Variants in NPNT observed in about 807,000 individuals in gnomAD.
NPNT encodes nephronectin.
In NPNT, 45 loss-of-function variants were observed where a neutral mutation model predicts 68.6. That is an observed-to-expected ratio of 0.66 (90% CI 0.52 to 0.84). The LOEUF is 0.84. Ranked by LOEUF, NPNT falls within the 40% of genes least tolerant of loss-of-function variation. The pLI is 0.00. For synonymous variants in NPNT, 233 were observed against 253.3 expected (o/e 0.92, Z 0.76); for missense variants, 672 against 714.8 (o/e 0.94, Z 0.68).
intron 2 of NPNT, among the ~76,000 whole-genome samples, chr4:105,925,964 A>G (rs1227746066): frequency 6.6e-6 from 1 of 152,206 alleles, no homozygotes; most frequent in Non-Finnish European, 1.5e-5. Context: ...AATGTAGGGA[A>G]CATAATCATC....
intron 4 of NPNT, 114 bp downstream of exon 4, chr4:105,937,242 G>A (rs540965219): frequency 5.2e-5 from 52 of 1,003,838 alleles, no homozygotes; most frequent in African/African-American, 2.8e-4. Context: ...AGATGTGTGC[G>A]TGTGTTTATA....
intron 2 of NPNT, among the ~76,000 whole-genome samples, chr4:105,913,007 A>G (rs1727493486): frequency 6.6e-6 from 1 of 152,100 alleles, no homozygotes; most frequent in Non-Finnish European, 1.5e-5. Flanking sequence ...AGCTGGGATT[A>G]CAGGCGCCCA....
In NPNT at chr4:105,940,259, A is replaced by T. The variant is rs1211098011; in HGVS notation, c.640+50A>T. The T allele has an allele frequency of 2.5e-6, 4 of 1,575,702 alleles. No homozygotes were observed. The Admixed American group carries it at 6.7e-5, about 26-fold the overall frequency. On this transcript the variant is annotated intron_variant, in intron 6 of 11. Coordinates refer to ENST00000379987, the MANE Select transcript of NPNT (RefSeq NM_001033047.3). Reference sequence around the variant, plus strand: ...GTGTTGTTTCTTCCTAGAGCACTGAAAGGTCTCGTAATTGTGGTGATGGCT... The same window carrying T: ...GTGTTGTTTCTTCCTAGAGCACTGATAGGTCTCGTAATTGTGGTGATGGCT...
At chr4:105,944,325 T>A (rs915866691) in intron 8 of NPNT, among the ~76,000 whole-genome samples, 2 of 152,186 alleles carry the variant, frequency 1.3e-5, no homozygotes, top group Non-Finnish European at 2.9e-5. Context: ...GGATTTTTAA[T>A]TTATGAGTGC....
intron 10 of NPNT, among the ~76,000 whole-genome samples, chr4:105,963,519 G>A (rs1271086764): frequency 6.6e-6 from 1 of 152,092 alleles, no homozygotes; most frequent in Non-Finnish European, 1.5e-5. Context: ...CAGTCACAGT[G>A]AGATGTGAAA....
At chr4:105,898,331 T>TCTCTCTCC (rs1245085574) in intron 2 of NPNT, among the ~76,000 whole-genome samples, 1 of 61,380 alleles carries the variant, frequency 1.6e-5, no homozygotes, top group Non-Finnish European at 3.5e-5. Flanking sequence ...TCTCTCTGTC[T>TCTCTCTCC]CTCTCTCTCT....
intron 2 of NPNT, among the ~76,000 whole-genome samples, chr4:105,898,719 A>G (rs148118854): frequency 4.1e-4 from 62 of 152,300 alleles, no homozygotes; most frequent in Non-Finnish European, 8.1e-4. Context: ...GTGACCACAA[A>G]TGGATATTTT....
chr4:105,912,145 A>T, intron 2 of NPNT: 1 of 1,415,550 alleles, frequency 7.1e-7, no homozygotes, highest in Non-Finnish European at 9.6e-7. Context: ...CTCCTTACAG[A>T]GAAAAGATCT....
At chr4:105,955,454 A>G (rs1043349334) in intron 8 of NPNT, among the ~76,000 whole-genome samples, 8 of 152,222 alleles carry the variant, frequency 5.3e-5, no homozygotes, top group Non-Finnish European at 1.2e-4. Flanking sequence ...AGTAACCAAA[A>G]TACAAATAAC....
rs906263986 is a variant in NPNT at position 105,913,263 on chromosome 4, T to C, written c.173-14073T>C. ...ATAAAAAAAATATTTGGGAACAAAATTGATAGTACTAGAAATAGAAGTTCA... is the reference window on the plus strand; with the variant it reads ...ATAAAAAAAATATTTGGGAACAAAACTGATAGTACTAGAAATAGAAGTTCA... On this transcript the variant is annotated intron_variant, in intron 2 of 11. Coordinates refer to ENST00000379987, the MANE Select transcript of NPNT (RefSeq NM_001033047.3). Among the ~76,000 whole-genome samples the C allele has an allele frequency of 4.8e-4, 73 of 152,306 alleles. 1 individual carries two copies. Among genetic ancestry groups the C allele is most frequent in the African/African-American group, 1.7e-3 (71 of 41,572 alleles).
intron 3 of NPNT, among the ~76,000 whole-genome samples, chr4:105,932,027 G>T (rs1440870871): frequency 2.6e-5 from 4 of 151,922 alleles, no homozygotes; most frequent in Non-Finnish European, 5.9e-5. Context: ...ACATTTTTTT[G>T]CATAAAGCTT....
chr4:105,937,509 C>T (rs1258746170), intron 4 of NPNT, among the ~76,000 whole-genome samples: 1 of 149,092 alleles, frequency 6.7e-6, no homozygotes, highest in Non-Finnish European at 1.5e-5. Context: ...AGACAGAATC[C>T]ATCAGGTCTG....
At chr4:105,961,358 G>C (rs1242441813) in intron 10 of NPNT, among the ~76,000 whole-genome samples, 1 of 152,122 alleles carries the variant, frequency 6.6e-6, no homozygotes, top group Non-Finnish European at 1.5e-5. Flanking sequence ...ACAGAAGGAG[G>C]GATCTTTGGC....
At position 105,942,364 on chromosome 4, in the gene NPNT, G is replaced by A. The variant is rs752427442; in HGVS notation, c.821G>A (p.Gly274Asp). 1 of 1,613,326 alleles carries A rather than the reference G, an allele frequency of 6.2e-7. No individual in the cohort carries two copies. The change falls in exon 8 of 12, where the codon GGT becomes GAT. Residue 274 changes from glycine to aspartate, a missense_variant. By Grantham distance (94) the Gly-to-Asp change is moderately conservative (BLOSUM62 -1). Transcript: ENST00000379987. ...SGPIHVPKGN[G>D]TILKGDTGNN... ...CCAATTCATGTACCAAAGGGAAATG[G>A]TACCATTTTAAAGGGTGACACAGGA...
intron 3 of NPNT, among the ~76,000 whole-genome samples, chr4:105,933,577 T>C (rs947849149): frequency 2.6e-5 from 4 of 152,198 alleles, no homozygotes; most frequent in African/African-American, 9.7e-5. Flanking sequence ...CATATTGACA[T>C]CTGTTTGCCT....
rs1243636546 is a variant in NPNT, at chr4:105,898,004, G to T, written c.172+3G>T. 1 of 1,595,938 alleles carries T rather than the reference G, an allele frequency of 6.3e-7. No homozygotes were observed. Among genetic ancestry groups the T allele is most frequent in the East Asian group, 2.2e-5 (1 of 44,728 alleles). On this transcript the variant is annotated splice_donor_region_variant and intron_variant, in intron 2 of 11. Coordinates refer to ENST00000379987, the MANE Select transcript of NPNT (RefSeq NM_001033047.3). ...CCAGTCTTGGGGACAGTGTCAGCGT[G>T]AGTATCAAGCCTGGGGACTTCAGTT...
rs530117598 is a variant in NPNT at position 105,958,914 on chromosome 4, G to T, written c.1247-114G>T. On this transcript the variant is annotated intron_variant, in intron 9 of 11. Transcript: ENST00000379987. ...CTTTGGTCTTATGGAAAGAAGCTCTGGTTATATGGATAGGAGAGAACACTT... is the reference window on the plus strand; with the variant it reads ...CTTTGGTCTTATGGAAAGAAGCTCTTGTTATATGGATAGGAGAGAACACTT... 12 of 681,914 alleles carry T rather than the reference G, an allele frequency of 1.8e-5. No homozygotes were observed. The African/African-American group carries it at 2.1e-4, about 12-fold the overall frequency. 42.2% of individuals were successfully genotyped at this position (681,914 alleles called of 1,614,324 possible).
At chr4:105,928,307 A>C (rs1394563713) in intron 3 of NPNT, among the ~76,000 whole-genome samples, 1 of 152,180 alleles carries the variant, frequency 6.6e-6, no homozygotes, top group Non-Finnish European at 1.5e-5. Flanking sequence ...TTGTTAATTA[A>C]ATTCAGTTAA....
chr4:105,937,027 T>C lies in NPNT; in HGVS notation c.284T>C (p.Leu95Pro), dbSNP rs1343521730. ...TTTTCAGATCTAAATGAGTGTGGCC[T>C]GAAGCCCCGGCCCTGTAAGCACAGG... ...TCNQDLNECG[L>P]KPRPCKHRCM... The change falls in exon 4 of 12, where the codon CTG becomes CCG. Residue 95 changes from leucine (L) to proline (P), a missense_variant. By Grantham distance (98) the Leu-to-Pro change is moderately conservative (BLOSUM62 -3). Coordinates refer to ENST00000379987, the MANE Select transcript of NPNT (RefSeq NM_001033047.3). 2 of 1,613,224 alleles carry C rather than the reference T, an allele frequency of 1.2e-6. No homozygotes were observed. Among genetic ancestry groups the C allele is most frequent in the Non-Finnish European group, 8.5e-7 (1 of 1,179,562 alleles).
Sources: gnomAD v4.1 joint callset for allele counts (sites outside exome capture counted in the v4.1 genomes callset) on GRCh38, gnomAD v4.1.1 for gene constraint, MANE v1.5 for transcripts, NCBI Gene and HGNC (gene_info 2026-07-23, HGNC 2026-07-21) for gene names.